UTP18: variants seen among roughly 807,000 people sequenced by gnomAD.
UTP18 encodes the protein U3 small nucleolar RNA-associated protein 18 homolog.
Under a neutral mutation model 61.1 loss-of-function variants are expected in UTP18, and 36 were observed. The ratio of observed to expected loss-of-function variants is 0.59; its 90% CI spans 0.45 to 0.78. UTP18 has a LOEUF of 0.78. UTP18 is among the 30% of genes least tolerant of loss of function. UTP18 has a pLI of 0.00. For synonymous variants in UTP18, 282 were observed against 251.1 expected (o/e 1.12, Z -1.16); for missense variants, 753 against 693.9 (o/e 1.09, Z -0.96).
chr17:51,291,748 A>AG (rs1905244546), intron 11 of UTP18, among the ~76,000 whole-genome samples: 4 of 152,020 alleles, frequency 2.6e-5, no homozygotes, highest in African/African-American at 7.2e-5. Context: ...CAAAAAAAAA[A>AG]AAAAAGAAAA....
intron 9 of UTP18, among the ~76,000 whole-genome samples, chr17:51,282,422 T>A (rs1172109522): frequency 1.3e-5 from 2 of 152,004 alleles, no homozygotes; most frequent in East Asian, 3.9e-4. Context: ...GCAGCTATAT[T>A]TTCTATATTA....
At chr17:51,287,765 T>C (rs986204002) in intron 10 of UTP18, among the ~76,000 whole-genome samples, 1 of 152,000 alleles carries the variant, frequency 6.6e-6, no homozygotes, top group Non-Finnish European at 1.5e-5. Flanking sequence ...GAGAAAGAGG[T>C]GACTGTGAAG....
intron 8 of UTP18, 92 bp downstream of exon 8, chr17:51,280,197 C>T: frequency 1.4e-6 from 2 of 1,389,154 alleles, no homozygotes; most frequent in South Asian, 1.2e-5. Flanking sequence ...CTTAAATCTG[C>T]ATCTCCAAGT....
chr17:51,284,687 T>C (rs1007096477), intron 9 of UTP18, among the ~76,000 whole-genome samples: 1 of 152,212 alleles, frequency 6.6e-6, no homozygotes, highest in African/African-American at 2.4e-5. Context: ...AGCTTGTGAT[T>C]TTTTTCCTGT....
At chr17:51,267,092 A>G (rs922963769) in intron 3 of UTP18, among the ~76,000 whole-genome samples, 8 of 152,160 alleles carry the variant, frequency 5.3e-5, no homozygotes, top group African/African-American at 1.7e-4. Context: ...CCTCCCGAGT[A>G]GCTGGGACTG....
chr17:51,263,962 G>T (rs1287063388), intron 2 of UTP18, among the ~76,000 whole-genome samples: 1 of 151,202 alleles, frequency 6.6e-6, no homozygotes, highest in African/African-American at 2.4e-5. Context: ...AAATGGCTAT[G>T]TTGGAGTCAA....
intron 12 of UTP18, 124 bp downstream of exon 12, chr17:51,294,169 C>G (rs1433212590): frequency 2.9e-6 from 2 of 681,764 alleles, no homozygotes; most frequent in Non-Finnish European, 4.2e-6. Context: ...TGACTCTCAT[C>G]TTCATTATCT....
chr17:51,265,371 C>G lies in UTP18; in HGVS notation c.456-811C>G, dbSNP rs577203975. On this transcript the variant is annotated intron_variant, in intron 2 of 13. Transcript: ENST00000225298. ...TTCTGCTTCCCAGGTTCAAGTGATT[C>G]ACCTGCCTCAGCCTCCTGAGTAGAT... Among the ~76,000 whole-genome samples the G allele has an allele frequency of 1.1e-3, 168 of 151,022 alleles. 1 individual carries two copies. Among genetic ancestry groups the G allele is most frequent in the Non-Finnish European group, 3.7e-4 (25 of 67,886 alleles).
intron 11 of UTP18, among the ~76,000 whole-genome samples, chr17:51,293,615 CTGTCCACCATTGGAGTGA>C (rs1905287568): frequency 6.6e-6 from 1 of 152,010 alleles, no homozygotes; most frequent in South Asian, 2.1e-4. Flanking sequence ...TTGGACACCC[CTGTCCACCATTGGAGTGA>C]TGGTGACACT....
intron 11 of UTP18, 98 bp from the exon 12 acceptor site, chr17:51,293,805 A>C: frequency 1.9e-6 from 2 of 1,063,624 alleles, no homozygotes; most frequent in Non-Finnish European, 2.6e-6. Flanking sequence ...AATCAAAATG[A>C]GCTTTATGTT....
At position 51,266,065 on chromosome 17, in the gene UTP18, C is replaced by T. The variant is rs959298734; in HGVS notation, c.456-117C>T. On this transcript the variant is annotated intron_variant, in intron 2 of 13. Coordinates refer to ENST00000225298, the MANE Select transcript of UTP18 (RefSeq NM_016001.3). The stretch of plus-strand genomic sequence containing the variant: ...GAAGATGCATTTGAAATGTTCACAT[C>T]TTAAAAATCTTGACCTATATTGTTT... 5 of 714,004 alleles carry T rather than the reference C, an allele frequency of 7.0e-6. No homozygotes were observed. The African/African-American group carries it at 9.4e-5, about 13-fold the overall frequency. 44.2% of individuals were successfully genotyped at this position (714,004 alleles called of 1,614,324 possible). A position where few individuals can be genotyped will look rare whatever the true frequency, so the allele number is the denominator to read the frequency against.
At chr17:51,263,472 T>C in intron 2 of UTP18, 86 bp downstream of exon 2, 1 of 1,022,194 alleles carries the variant, frequency 9.8e-7, no homozygotes, top group Admixed American at 2.6e-5. Flanking sequence ...TTTTACCAAT[T>C]TGTGATTATG....
chr17:51,276,995 GC>G, intron 6 of UTP18, 134 bp from the exon 7 acceptor site: 1 of 833,968 alleles, frequency 1.2e-6, no homozygotes, highest in South Asian at 1.9e-5. Context: ...TAAATCACTG[GC>G]CGTGGCTGCT....
intron 12 of UTP18, among the ~76,000 whole-genome samples, chr17:51,295,730 T>G (rs1274429691): frequency 6.6e-6 from 1 of 152,238 alleles, no homozygotes; most frequent in African/African-American, 2.4e-5. Context: ...TTTCCAATTC[T>G]GTGAAGAAAG....
intron 2 of UTP18, among the ~76,000 whole-genome samples, chr17:51,265,859 G>C (rs1297440031): frequency 6.6e-6 from 1 of 152,160 alleles, no homozygotes; most frequent in Non-Finnish European, 1.5e-5. Context: ...ACCACGCTGG[G>C]CCTAAGGTTT....
chr17:51,286,978 T>TCCCCCCCCCCCCCCC (rs11397806), intron 10 of UTP18, among the ~76,000 whole-genome samples: 3 of 123,530 alleles, frequency 2.4e-5, no homozygotes, highest in Middle Eastern at 4.1e-3. Context: ...CCCTCCCCCT[T>TCCCCCCCCCCCCCCC]CCCCCCCCGA....
intron 10 of UTP18, chr17:51,286,663 C>T (rs1905125028): frequency 4.6e-6 from 2 of 436,168 alleles, no homozygotes; most frequent in Non-Finnish European, 9.2e-6. Flanking sequence ...CCTTCCTTTC[C>T]TACCCATACC....
intron 9 of UTP18, among the ~76,000 whole-genome samples, chr17:51,283,503 T>G (rs1905018244): frequency 1.3e-5 from 2 of 152,146 alleles, no homozygotes; most frequent in Non-Finnish European, 2.9e-5. Flanking sequence ...TTTGTGTGAT[T>G]AGTAACATAT....
chr17:51,288,323 G>A (rs934411551), intron 11 of UTP18, 120 bp downstream of exon 11: 4 of 1,017,376 alleles, frequency 3.9e-6, no homozygotes, highest in Non-Finnish European at 5.6e-6. Flanking sequence ...TTTTGATATA[G>A]GAATTATTAG....
Sources: gnomAD v4.1 joint callset for allele counts (sites outside exome capture counted in the v4.1 genomes callset) on GRCh38, gnomAD v4.1.1 for gene constraint, MANE v1.5 for transcripts, NCBI Gene and HGNC (gene_info 2026-07-23, HGNC 2026-07-21) for gene names.